Variants in F8 observed in about 807,000 individuals in gnomAD.
The protein encoded by F8 is coagulation factor VIII.
In F8, 12 loss-of-function variants were observed where a neutral mutation model predicts 140.6. The observed-to-expected ratio is 0.09, with a 90% CI of 0.05 to 0.14. The LOEUF (loss-of-function observed/expected upper bound fraction) is 0.14. Ranked by LOEUF, F8 falls within the 10% of genes least tolerant of loss-of-function variation. The pLI, the probability that F8 is intolerant of heterozygous loss-of-function variation, is 1.00. For synonymous variants in F8, 585 were observed against 614.6 expected, an observed-to-expected ratio of 0.95 and a Z score of 0.71; for missense variants, 1,354 against 1,720.7, an observed-to-expected ratio of 0.79 and a Z score of 3.77.
At chrX:154,977,889 A>T (rs2073496450) in intron 6 of F8, among the ~76,000 whole-genome samples, 1 of 110,575 alleles carries the variant, frequency 9.0e-6, no homozygotes, top group Non-Finnish European at 1.9e-5. Context: ...GGGACACTGA[A>T]GATTCAAATA....
intron 6 of F8, among the ~76,000 whole-genome samples, chrX:154,982,009 C>G (rs2073525960): frequency 1.8e-5 from 2 of 110,069 alleles, no homozygotes; most frequent in South Asian, 7.8e-4. Flanking sequence ...CATGGTGAAA[C>G]CCCATCTCTA....
intron 7 of F8, among the ~76,000 whole-genome samples, chrX:154,967,903 A>G (rs948862302): frequency 1.6e-4 from 18 of 112,006 alleles, no homozygotes; most frequent in African/African-American, 5.8e-4. Flanking sequence ...TACAGAAGAC[A>G]ATAAACAAGG....
chrX:154,950,135 TTAA>T (rs1446589304), intron 12 of F8, among the ~76,000 whole-genome samples: 3 of 112,102 alleles, frequency 2.7e-5, no homozygotes, highest in Middle Eastern at 4.7e-3. Context: ...TCATTTTAAC[TTAA>T]TAAACCCCTT....
chrX:155,001,789 G>C (rs1032132523), intron 1 of F8, among the ~76,000 whole-genome samples: 1 of 110,633 alleles, frequency 9.0e-6, no homozygotes, highest in Non-Finnish European at 1.9e-5. Context: ...GTGTGCACCT[G>C]TGGTCTTAGC....
intron 3 of F8, among the ~76,000 whole-genome samples, chrX:154,995,438 T>C (rs1322400597): frequency 2.7e-5 from 3 of 111,893 alleles, no homozygotes; most frequent in African/African-American, 9.8e-5. Flanking sequence ...CCTTTGGTTG[T>C]TGGTAGAATA....
intron 22 of F8, among the ~76,000 whole-genome samples, chrX:154,888,406 TCCCC>T (rs1225920206): frequency 1.4e-5 from 1 of 73,726 alleles, no homozygotes; most frequent in African/African-American, 6.6e-5. Flanking sequence ...TTTTTTTTTT[TCCCC>T]CCGAGATGGA....
At chrX:154,856,353 G>A (rs1557272463) in intron 25 of F8, among the ~76,000 whole-genome samples, 1 of 112,027 alleles carries the variant, frequency 8.9e-6, no homozygotes, top group Non-Finnish European at 1.9e-5. Context: ...AAATACAATG[G>A]GAATAATTGG....
intron 4 of F8, among the ~76,000 whole-genome samples, chrX:154,990,984 T>C (rs1482259923): frequency 3.6e-5 from 4 of 112,055 alleles, no homozygotes; most frequent in African/African-American, 1.3e-4. Context: ...AACTACATCA[T>C]AGCTAAGGTC....
intron 14 of F8, among the ~76,000 whole-genome samples, chrX:154,914,908 C>A (rs948533119): frequency 6.3e-5 from 7 of 111,598 alleles, no homozygotes; most frequent in Non-Finnish European, 1.1e-4. Flanking sequence ...GCAGTGCCCC[C>A]CCTACCTCGG....
intron 1 of F8, among the ~76,000 whole-genome samples, chrX:155,020,328 T>G (rs1022742831): frequency 8.9e-6 from 1 of 112,220 alleles, no homozygotes; most frequent in East Asian, 2.8e-4. Flanking sequence ...GAAATAAAAC[T>G]AGACAAATCC....
At chrX:154,977,957 C>A (rs1187802966) in intron 6 of F8, among the ~76,000 whole-genome samples, 1 of 109,875 alleles carries the variant, frequency 9.1e-6, no homozygotes. Context: ...TTTTAAAATT[C>A]TTTTTTCTTT....
At chrX:154,947,661 T>C in intron 13 of F8, 37 bp downstream of exon 13, 1 of 1,083,043 alleles carries the variant, frequency 9.2e-7, no homozygotes, top group Non-Finnish European at 1.3e-6. Context: ...AGTGAAGCAT[T>C]CACAGCTGTT....
chrX:154,934,088 C>T (rs185995137), intron 13 of F8, among the ~76,000 whole-genome samples: 2 of 111,392 alleles, frequency 1.8e-5, no homozygotes, highest in African/African-American at 6.5e-5. Context: ...AAAGGGCTGG[C>T]CTTTCTTCTT....
intron 6 of F8, among the ~76,000 whole-genome samples, chrX:154,978,045 G>T (rs2073497297): frequency 9.2e-6 from 1 of 108,846 alleles, no homozygotes; most frequent in African/African-American, 3.3e-5. Context: ...GTCTATTGTT[G>T]AACCTTTCAA....
chrX:154,926,766 A>G lies in F8; in HGVS notation c.5219+1805T>C, dbSNP rs782622069. On this transcript the variant is annotated intron_variant, in intron 14 of 25. Coordinates refer to ENST00000360256, the MANE Select transcript of F8 (RefSeq NM_000132.4). ...TTAAGAGTCTAATTGTGTGCATGTTAAGGTAGGGAGTTGATATGTAAATTT... is the reference window on the plus strand; with the variant it reads ...TTAAGAGTCTAATTGTGTGCATGTTGAGGTAGGGAGTTGATATGTAAATTT... 4.5e-5 allele frequency among the ~76,000 whole-genome samples: 5 copies of G among 111,802 alleles called. No individual in the cohort carries two copies. In the East Asian group the frequency reaches 1.4e-3, roughly 31 times the overall value.
chrX:154,900,232 CTTCTT>C (rs1305996999), intron 20 of F8, among the ~76,000 whole-genome samples: 1 of 111,314 alleles, frequency 9.0e-6, no homozygotes, highest in Non-Finnish European at 1.9e-5. Flanking sequence ...AATATTATTT[CTTCTT>C]TTCTTTCTTT....
chrX:154,911,649 T>C, intron 14 of F8, among the ~76,000 whole-genome samples: 1 of 112,275 alleles, frequency 8.9e-6, no homozygotes, highest in African/African-American at 3.2e-5. Context: ...CTATTGTGAA[T>C]GGTGCTGTAA....
At chrX:154,840,905 G>A (rs1459697704) in intron 25 of F8, among the ~76,000 whole-genome samples, 1 of 112,075 alleles carries the variant, frequency 8.9e-6, no homozygotes, top group Non-Finnish European at 1.9e-5. Context: ...TAAAGTTGAT[G>A]AGGTTTTCAA....
chrX:155,018,741 T>C (rs1261724483), intron 1 of F8, among the ~76,000 whole-genome samples: 3 of 112,193 alleles, frequency 2.7e-5, no homozygotes, highest in African/African-American at 9.7e-5. Flanking sequence ...TATATAATTA[T>C]TGGAAGTTGA....
Sources: allele counts gnomAD v4.1 joint callset (sites outside exome capture counted in the v4.1 genomes callset), GRCh38; gene constraint gnomAD v4.1.1; transcripts MANE v1.5; gene names NCBI Gene and HGNC (gene_info 2026-07-23, HGNC 2026-07-21).